The following CNTN4 variants were observed in gnomAD, a reference collection of about 807,000 sequenced individuals.
The protein encoded by CNTN4 is contactin-4.
CNTN4 carries 77 observed loss-of-function variants against 122.5 expected under a neutral mutation model. The ratio of observed to expected loss-of-function variants is 0.63; its 90% CI spans 0.52 to 0.76. CNTN4 has a LOEUF of 0.76. Ranked by LOEUF, CNTN4 falls within the 30% of genes least tolerant of loss-of-function variation. The pLI, the probability that CNTN4 is intolerant of heterozygous loss-of-function variation, is 0.00. For missense variants in CNTN4, 1,256 were observed against 1,259.1 expected (o/e 1.00, Z 0.04); for synonymous variants, 512 against 447.0 (o/e 1.15, Z -1.83).
chr3:2,259,221 A>G (rs752424680), intron 2 of CNTN4, among the ~76,000 whole-genome samples: 64 of 152,150 alleles, frequency 4.2e-4, no homozygotes, highest in Non-Finnish European at 8.4e-4. Flanking sequence ...GTCAGTGAAC[A>G]TAAATAAGGA....
At chr3:2,707,279 C>A (rs1451621961) in intron 4 of CNTN4, among the ~76,000 whole-genome samples, 1 of 151,514 alleles carries the variant, frequency 6.6e-6, no homozygotes, top group Non-Finnish European at 1.5e-5. Flanking sequence ...GCACTCCAGC[C>A]TGGATGACAG....
chr3:2,847,051 C>T (rs926448741), intron 7 of CNTN4, among the ~76,000 whole-genome samples: 11 of 151,940 alleles, frequency 7.2e-5, no homozygotes, highest in African/African-American at 2.7e-4. Flanking sequence ...TATGTCCATT[C>T]CTGTTCTTAT....
intron 18 of CNTN4, 98 bp downstream of exon 18, chr3:3,037,426 CTG>C (rs1699710063): frequency 1.3e-6 from 2 of 1,488,486 alleles, no homozygotes; most frequent in Admixed American, 3.3e-5. Flanking sequence ...TCATGCGGCT[CTG>C]TGTTAGCTCA....
intron 13 of CNTN4, among the ~76,000 whole-genome samples, chr3:2,981,057 A>G (rs1276369448): frequency 1.3e-5 from 2 of 152,184 alleles, no homozygotes; most frequent in Non-Finnish European, 2.9e-5. Context: ...TCACCCATGC[A>G]CGCTTCCAGC....
At chr3:2,154,121 A>C (rs1574953027) in intron 2 of CNTN4, among the ~76,000 whole-genome samples, 1 of 152,068 alleles carries the variant, frequency 6.6e-6, no homozygotes, top group African/African-American at 2.4e-5. Context: ...ATGGTGTCTG[A>C]CGCCTGTAAT....
chr3:2,794,206 T>C (rs1379186529), intron 6 of CNTN4, among the ~76,000 whole-genome samples: 1 of 152,218 alleles, frequency 6.6e-6, no homozygotes, highest in Non-Finnish European at 1.5e-5. Context: ...AAGAAATGTT[T>C]CTACATCTGC....
chr3:2,746,495 T>C (rs1253668694), intron 6 of CNTN4, among the ~76,000 whole-genome samples: 1 of 152,238 alleles, frequency 6.6e-6, no homozygotes, highest in Non-Finnish European at 1.5e-5. Flanking sequence ...TAGCCACCTT[T>C]GAGGATTGAG....
At chr3:2,798,515 T>C (rs2092266937) in intron 6 of CNTN4, among the ~76,000 whole-genome samples, 1 of 152,114 alleles carries the variant, frequency 6.6e-6, no homozygotes, top group South Asian at 2.1e-4. Flanking sequence ...AGGTATCTTT[T>C]TCTTTTCTTT....
intron 3 of CNTN4, among the ~76,000 whole-genome samples, chr3:2,387,622 A>G (rs1250449404): frequency 6.6e-6 from 1 of 152,182 alleles, no homozygotes; most frequent in South Asian, 2.1e-4. Context: ...TAAGGAATAT[A>G]ATGATCATAA....
intron 3 of CNTN4, among the ~76,000 whole-genome samples, chr3:2,482,762 G>A (rs140010580): frequency 1.6e-4 from 25 of 152,350 alleles, no homozygotes; most frequent in African/African-American, 5.5e-4. Context: ...CTTCCACATG[G>A]TGTTGGTCCT....
In CNTN4 at chr3:2,672,386, G is replaced by T. The variant is rs114029080; in HGVS notation, c.56-63829G>T. Among the ~76,000 whole-genome samples the T allele has an allele frequency of 5.8e-3, 889 of 152,278 alleles. 10 individuals are homozygous for T. The highest frequency in any genetic ancestry group is 0.02 in the African/African-American group (851 of 41,554). On this transcript the variant is annotated intron_variant, in intron 4 of 24. Transcript: ENST00000418658. ...GACTGCCGTGCTAGCAATAAGGGAG[G>T]CTCCATGGATGTAGGACCCTCCGAG...
intron 15 of CNTN4, among the ~76,000 whole-genome samples, chr3:3,027,554 G>A (rs954921245): frequency 1.3e-5 from 2 of 152,178 alleles, no homozygotes; most frequent in African/African-American, 2.4e-5. Flanking sequence ...CACAAAAGAA[G>A]TACTTGATAA....
At chr3:2,383,373 A>G (rs2046103648) in intron 3 of CNTN4, among the ~76,000 whole-genome samples, 1 of 152,196 alleles carries the variant, frequency 6.6e-6, no homozygotes, top group Non-Finnish European at 1.5e-5. Context: ...GATAATGGCT[A>G]AGTAGTGCTT....
At chr3:2,700,869 G>T (rs2086319617) in intron 4 of CNTN4, among the ~76,000 whole-genome samples, 1 of 152,148 alleles carries the variant, frequency 6.6e-6, no homozygotes, top group Admixed American at 6.5e-5. Flanking sequence ...TTTCACCTAT[G>T]CACCTGAACG....
intron 4 of CNTN4, among the ~76,000 whole-genome samples, chr3:2,625,029 A>G (rs2082130377): frequency 6.6e-6 from 1 of 152,206 alleles, no homozygotes; most frequent in Non-Finnish European, 1.5e-5. Flanking sequence ...TAATGTGAGT[A>G]ATAATAGTAG....
chr3:2,287,690 AGAG>A (rs1256832927), intron 2 of CNTN4, among the ~76,000 whole-genome samples: 1,321 of 81,924 alleles, frequency 0.016, 12 homozygotes, highest in African/African-American at 0.029. Flanking sequence ...AAGAAGAAGA[AGAG>A]GAAGAAGAAG....
chr3:2,451,379 T>G (rs769761355), intron 3 of CNTN4, among the ~76,000 whole-genome samples: 9 of 151,886 alleles, frequency 5.9e-5, no homozygotes, highest in Non-Finnish European at 1.3e-4. Context: ...ACATTTTATT[T>G]TCATTATGAT....
At chr3:2,608,429 C>A (rs1159446110) in intron 4 of CNTN4, among the ~76,000 whole-genome samples, 1 of 152,032 alleles carries the variant, frequency 6.6e-6, no homozygotes, top group Non-Finnish European at 1.5e-5. Flanking sequence ...CACTGCACTA[C>A]AGCCTGGGCA....
intron 3 of CNTN4, among the ~76,000 whole-genome samples, chr3:2,404,008 T>TCAGACATTTGTGATTTCTATTATCTATC (rs1383776520): frequency 1.3e-5 from 2 of 152,156 alleles, no homozygotes; most frequent in Non-Finnish European, 2.9e-5. Flanking sequence ...TTTCTTCACA[T>TCAGACATTTGTGATTTCTATTATCTATC]CAGACATTTG....
Sources: allele counts gnomAD v4.1 joint callset (sites outside exome capture counted in the v4.1 genomes callset), GRCh38; gene constraint gnomAD v4.1.1; transcripts MANE v1.5; gene names NCBI Gene and HGNC (gene_info 2026-07-23, HGNC 2026-07-21).